Variants in FAM163B observed in about 807,000 individuals in gnomAD.
FAM163B encodes the protein protein FAM163B.
In FAM163B, 4 loss-of-function variants were observed where a neutral mutation model predicts 7.6. The observed-to-expected ratio is 0.52, with a 90% CI of 0.26 to 1.20. The LOEUF is 1.20. Among genes scored for constraint, FAM163B ranks in the 50% most tolerant of loss-of-function variants. FAM163B has a pLI of 0.14. For synonymous variants in FAM163B, 120 were observed against 111.6 expected (o/e 1.07, Z -0.47); for missense variants, 250 against 243.0 (o/e 1.03, Z -0.19).
intron 1 of FAM163B, among the ~76,000 whole-genome samples, chr9:133,607,149 C>T (rs776323851): frequency 6.6e-6 from 1 of 152,150 alleles, no homozygotes; most frequent in Non-Finnish European, 1.5e-5. Context: ...CCTACTCCAT[C>T]CGGGGCTTAG....
At chr9:133,583,401 C>T (rs1031997742) in intron 1 of FAM163B, among the ~76,000 whole-genome samples, 1 of 152,184 alleles carries the variant, frequency 6.6e-6, no homozygotes, top group African/African-American at 2.4e-5. Flanking sequence ...CCAGGCTAAA[C>T]CCCCAAGTGC....
Position 133,606,562 on chromosome 9 carries a change from G to A in FAM163B, c.-24+2515C>T, listed in dbSNP as rs962488179. On this transcript the variant is annotated intron_variant, in intron 1 of 2. Coordinates refer to ENST00000673969, the MANE Select transcript of FAM163B (RefSeq NM_001080515.3). The surrounding 1 kb of genome is among the most constrained non-coding windows in gnomAD (Gnocchi z 4.0). Reference sequence around the variant, plus strand: ...CGGTGTCCCATGTGCCAGCAGGGAAGGCAGGAGCACCCTCATTTTTGCAGA... The same window carrying A: ...CGGTGTCCCATGTGCCAGCAGGGAAAGCAGGAGCACCCTCATTTTTGCAGA... Among the ~76,000 whole-genome samples, 2 of 152,238 alleles carry A rather than the reference G, an allele frequency of 1.3e-5. No individual in the cohort carries two copies. The highest frequency in any genetic ancestry group is 4.8e-5 in the African/African-American group (2 of 41,462).
chr9:133,588,642 C>T (rs376067897), intron 1 of FAM163B, among the ~76,000 whole-genome samples: 6,413 of 33,830 alleles, frequency 0.19, 19 homozygotes, highest in African/African-American at 0.21. Flanking sequence ...AGGGATCTAG[C>T]AGGTTGAAGG....
chr9:133,583,031 C>A (rs1305218081), intron 1 of FAM163B, among the ~76,000 whole-genome samples: 1 of 152,230 alleles, frequency 6.6e-6, no homozygotes, highest in East Asian at 1.9e-4. Context: ...TGTATGTCAC[C>A]TGGAGGGCAT....
chr9:133,590,104 T>TCCCCTC (rs1182810437), intron 1 of FAM163B, among the ~76,000 whole-genome samples: 1 of 9,618 alleles, frequency 1.0e-4, no homozygotes, highest in Admixed American at 1.2e-3. Flanking sequence ...CCCTTCCCCT[T>TCCCCTC]CCCTTCCCCT....
intron 1 of FAM163B, among the ~76,000 whole-genome samples, chr9:133,586,412 G>C (rs902431122): frequency 1.3e-5 from 2 of 152,232 alleles, no homozygotes; most frequent in Non-Finnish European, 2.9e-5. Context: ...GGGAGCTGGT[G>C]TCTGGAAAAC....
At chr9:133,586,014 G>T (rs1352516173) in intron 1 of FAM163B, 1 of 152,292 alleles carries the variant, frequency 6.6e-6, no homozygotes, top group African/African-American at 2.4e-5. Context: ...GATCGGAGGA[G>T]AGCAGCCCGC....
intron 1 of FAM163B, among the ~76,000 whole-genome samples, chr9:133,593,152 C>G (rs886978181): frequency 2.6e-5 from 4 of 152,192 alleles, no homozygotes; most frequent in Admixed American, 1.3e-4. Flanking sequence ...GGTTTCCCCC[C>G]CTGTATCGCT....
chr9:133,606,635 C>T lies in FAM163B; in HGVS notation c.-24+2442G>A, dbSNP rs1831793052. On this transcript the variant is annotated intron_variant, in intron 1 of 2. Coordinates refer to ENST00000673969, the MANE Select transcript of FAM163B (RefSeq NM_001080515.3). The surrounding 1 kb of genome is among the most constrained non-coding windows in gnomAD (Gnocchi z 4.0). ...CGTGGTCTGGCCTGGAAACCACTCT[C>T]TCTGCCACACAAATTGCCATTTTAC... Among the ~76,000 whole-genome samples, 1 of 152,224 alleles carries T rather than the reference C, an allele frequency of 6.6e-6. No homozygotes were observed. The highest frequency in any genetic ancestry group is 6.5e-5 in the Admixed American group (1 of 15,286).
intron 1 of FAM163B, among the ~76,000 whole-genome samples, chr9:133,607,992 G>A (rs1390419637): frequency 6.6e-6 from 1 of 152,172 alleles, no homozygotes; most frequent in African/African-American, 2.4e-5. Context: ...GGAGAAGGTG[G>A]GAAGATGGGC....
At position 133,609,324 on chromosome 9, in the gene FAM163B, C is replaced by T. The variant is rs889073702; in HGVS notation, c.-271G>A. Among the ~76,000 whole-genome samples, 10 of 149,654 alleles carry T rather than the reference C, an allele frequency of 6.7e-5. No individual in the cohort carries two copies. The highest frequency in any genetic ancestry group is 2.4e-4 in the African/African-American group (10 of 41,176). ...CGCGCTGCGGCCGCGACTCCGGACG[C>T]CCCGGCTGGCTCCCTGCGAGCTGCA... On this transcript the variant is annotated 5_prime_UTR_variant, in exon 1 of 3. Transcript: ENST00000673969.
At chr9:133,583,412 C>T (rs1831384532) in intron 1 of FAM163B, among the ~76,000 whole-genome samples, 3 of 152,196 alleles carry the variant, frequency 2.0e-5, no homozygotes, top group Admixed American at 2.0e-4. Context: ...CCCCAAGTGC[C>T]AGCCTGGCTT....
In FAM163B at chr9:133,600,261, G is replaced by C. The variant is rs1588333516; in HGVS notation, c.-24+8816C>G. On this transcript the variant is annotated intron_variant, in intron 1 of 2. Transcript: ENST00000673969. This position sits in a 1 kb window ranked among gnomAD's most constrained non-coding sequence, Gnocchi z 4.9. ...GTGTGCATGTGTGTGAGTGTGGTCTGTGTGTGTGTGTGTGTGTGTGTGTGT... is the reference window on the plus strand; with the variant it reads ...GTGTGCATGTGTGTGAGTGTGGTCTCTGTGTGTGTGTGTGTGTGTGTGTGT... 1.4e-4 allele frequency among the ~76,000 whole-genome samples: 1 copy of C among 7,054 alleles called. No individual in the cohort carries two copies. Among genetic ancestry groups the C allele is most frequent in the South Asian group, 3.5e-3 (1 of 288 alleles). The allele number at this position is 7,054 out of a possible 152,430, so 4.6% of individuals were successfully genotyped here. A position where few individuals can be genotyped will look rare whatever the true frequency, so the allele number is the denominator to read the frequency against.
intron 1 of FAM163B, among the ~76,000 whole-genome samples, chr9:133,583,225 T>C (rs1831382196): frequency 6.6e-6 from 1 of 152,242 alleles, no homozygotes; most frequent in South Asian, 2.1e-4. Context: ...TAGGGCTTAC[T>C]GATAGCAATG....
In FAM163B at chr9:133,600,259, CTGTGTGTG is replaced by C. The variant is rs3074996; in HGVS notation, c.-24+8810_-24+8817del. On this transcript the variant is annotated intron_variant, in intron 1 of 2. Transcript: ENST00000673969. This position sits in a 1 kb window ranked among gnomAD's most constrained non-coding sequence, Gnocchi z 4.9. ...CTGTGTGCATGTGTGTGAGTGTGGT[CTGTGTGTG>C]TGTGTGTGTGTGTGTGTGTGTGTGT... 0.46 allele frequency among the ~76,000 whole-genome samples: 67,577 copies of C among 146,484 alleles called. 16,193 individuals are homozygous for C. The highest frequency in any genetic ancestry group is 0.63 in the African/African-American group (25,217 of 39,882).
In FAM163B at chr9:133,601,608, C is replaced by A. The variant is rs1196286979; in HGVS notation, c.-24+7469G>T. Among the ~76,000 whole-genome samples, 1 of 152,246 alleles carries A rather than the reference C, an allele frequency of 6.6e-6. No individual in the cohort carries two copies. The highest frequency in any genetic ancestry group is 1.5e-5 in the Non-Finnish European group (1 of 68,042). ...CTACCCCCCGGACTGCTCCTACACGCTGGCTTGCTTCCCATTTCTGGAACA... is the reference window on the plus strand; with the variant it reads ...CTACCCCCCGGACTGCTCCTACACGATGGCTTGCTTCCCATTTCTGGAACA... On this transcript the variant is annotated intron_variant, in intron 1 of 2. Transcript: ENST00000673969. This position sits in a 1 kb window ranked among gnomAD's most constrained non-coding sequence, Gnocchi z 4.1.
At chr9:133,599,687 G>T (rs1831685431) in intron 1 of FAM163B, among the ~76,000 whole-genome samples, 1 of 151,442 alleles carries the variant, frequency 6.6e-6, no homozygotes, top group Admixed American at 6.6e-5. Context: ...ATGTGTCAGT[G>T]TGCATGTGTA....
chr9:133,580,664 A>G (rs1215946974), intron 1 of FAM163B, among the ~76,000 whole-genome samples: 1 of 152,210 alleles, frequency 6.6e-6, no homozygotes, highest in Non-Finnish European at 1.5e-5. Context: ...CTGCATTTTC[A>G]TCTCACACAG....
rs1464920820 is a variant in FAM163B, at chr9:133,584,789, C to G, written c.-23-4543G>C. On this transcript the variant is annotated intron_variant, in intron 1 of 2. Coordinates refer to ENST00000673969, the MANE Select transcript of FAM163B (RefSeq NM_001080515.3). ...GTGCTGGGAACAGCACAGGCCAAGC[C>G]TCGGAGGCAGAGCCATGCGGGTCAG... Among the ~76,000 whole-genome samples, 3 of 152,194 alleles carry G rather than the reference C, an allele frequency of 2.0e-5. No homozygotes were observed. In the East Asian group the frequency reaches 5.8e-4, roughly 29 times the overall value.
Sources: gnomAD v4.1 joint callset for allele counts (sites outside exome capture counted in the v4.1 genomes callset) on GRCh38, gnomAD v4.1.1 for gene constraint, Gnocchi (gnomAD v3.1) non-coding constraint, MANE v1.5 for transcripts, NCBI Gene and HGNC (gene_info 2026-07-23, HGNC 2026-07-21) for gene names.